The following MROH2B variants were observed in gnomAD, a reference collection of about 807,000 sequenced individuals.
The protein encoded by MROH2B is maestro heat-like repeat-containing protein family member 2B.
In MROH2B, 177 loss-of-function variants were observed where a neutral mutation model predicts 208.6. That is an observed-to-expected ratio of 0.85 (90% CI 0.75 to 0.96). The LOEUF (loss-of-function observed/expected upper bound fraction) is 0.96. Among genes scored for constraint, MROH2B ranks in the 40% least tolerant of loss-of-function variants. The pLI is 0.00. For synonymous variants in MROH2B, 728 were observed against 659.0 expected, an observed-to-expected ratio of 1.10 and a Z score of -1.60; for missense variants, 2,002 against 1,878.7, an observed-to-expected ratio of 1.07 and a Z score of -1.21.
At chr5:41,013,239 T>C (rs1347942657) in intron 29 of MROH2B, among the ~76,000 whole-genome samples, 2 of 152,234 alleles carry the variant, frequency 1.3e-5, no homozygotes, top group Non-Finnish European at 2.9e-5. Context: ...TGAGCCTTGT[T>C]TCTTGCTCTT....
intron 37 of MROH2B, among the ~76,000 whole-genome samples, chr5:41,002,267 G>A (rs570051751): frequency 6.6e-6 from 1 of 152,252 alleles, no homozygotes; most frequent in African/African-American, 2.4e-5. Flanking sequence ...AGTGGCAAAA[G>A]GATTTTGGGT....
At chr5:41,048,119 C>T (rs1643913840) in intron 16 of MROH2B, 1 of 537,156 alleles carries the variant, frequency 1.9e-6, no homozygotes, top group African/African-American at 2.0e-5. Flanking sequence ...AAGAATGTTA[C>T]CTACTAGGTC....
intron 24 of MROH2B, among the ~76,000 whole-genome samples, chr5:41,024,639 TAAC>T (rs1280011539): frequency 6.6e-6 from 1 of 152,076 alleles, no homozygotes; most frequent in Non-Finnish European, 1.5e-5. Context: ...GACAGAAAGT[TAAC>T]AAGGATATCC....
At chr5:41,008,887 G>T in intron 32 of MROH2B, 94 bp from the exon 33 acceptor site, 1 of 1,249,874 alleles carries the variant, frequency 8.0e-7, no homozygotes, top group Non-Finnish European at 1.1e-6. Context: ...TTCTCCACCA[G>T]TAAAAACACA....
chr5:41,039,583 G>A (rs754217308), intron 19 of MROH2B, 28 bp from the exon 20 acceptor site: 22 of 1,440,238 alleles, frequency 1.5e-5, no homozygotes, highest in Non-Finnish European at 2.1e-5. Flanking sequence ...ATGACATTTT[G>A]AGTTTAACCA....
At chr5:41,038,659 G>T (rs920585876) in intron 21 of MROH2B, 77 bp downstream of exon 21, 3 of 1,410,490 alleles carry the variant, frequency 2.1e-6, no homozygotes, top group African/African-American at 1.4e-5. Flanking sequence ...AAGGAAAAAA[G>T]CTTCCCAGGG....
chr5:41,004,691 A>AT, intron 36 of MROH2B, 83 bp downstream of exon 36: 1 of 1,546,776 alleles, frequency 6.5e-7, no homozygotes, highest in Non-Finnish European at 8.7e-7. Flanking sequence ...ATTAATTTGT[A>AT]TGCAACAACT....
At chr5:41,039,898 C>G (rs73090377) in intron 19 of MROH2B, among the ~76,000 whole-genome samples, 3,397 of 152,112 alleles carry the variant, frequency 0.022, 142 homozygotes, top group African/African-American at 0.077. Flanking sequence ...GTCTCACGGA[C>G]AAGGTGACAA....
chr5:41,054,983 C>A, intron 10 of MROH2B, 143 bp from the exon 11 acceptor site: 1 of 499,546 alleles, frequency 2.0e-6, no homozygotes. Flanking sequence ...CAATGCCCTC[C>A]CATCCTCTTT....
At chr5:41,013,166 G>A (rs895365195) in intron 29 of MROH2B, among the ~76,000 whole-genome samples, 2 of 152,172 alleles carry the variant, frequency 1.3e-5, no homozygotes, top group Non-Finnish European at 1.5e-5. Flanking sequence ...CTATCAATAT[G>A]TATTAAGTAC....
At chr5:41,001,411 A>AT (rs1223949091) in intron 37 of MROH2B, among the ~76,000 whole-genome samples, 1 of 151,986 alleles carries the variant, frequency 6.6e-6, no homozygotes, top group East Asian at 1.9e-4. Context: ...GCAGGCGATG[A>AT]TTTTAGGAAG....
chr5:41,063,572 G>A (rs1743706025), intron 5 of MROH2B, among the ~76,000 whole-genome samples: 1 of 152,172 alleles, frequency 6.6e-6, no homozygotes, highest in African/African-American at 2.4e-5. Flanking sequence ...AGAACAAGAA[G>A]AAATGGGAAA....
Position 41,038,730 on chromosome 5 carries a change from C to T in MROH2B, c.2214+6G>A, listed in dbSNP as rs1174859434. Reference sequence around the variant, plus strand: ...GAAATGGAGGCAGCCATGCAACGGGCATTACCTGAGAGCACTGGCCATGAA... The same window carrying T: ...GAAATGGAGGCAGCCATGCAACGGGTATTACCTGAGAGCACTGGCCATGAA... On this transcript the variant is annotated splice_donor_region_variant and intron_variant, in intron 21 of 41. Transcript: ENST00000399564. 2 of 1,603,312 alleles carry T rather than the reference C, an allele frequency of 1.2e-6. No homozygotes were observed. Among genetic ancestry groups the T allele is most frequent in the Non-Finnish European group, 1.7e-6 (2 of 1,174,128 alleles).
chr5:41,065,383 C>A lies in MROH2B; in HGVS notation c.309G>T (p.Glu103Asp), dbSNP rs369722208. The part of the protein sequence containing the change: ...YEVQSNFRIL[E>D]LPDEFVVLAL... ...CAAGCACAACGAATTCATCTGGTAG[C>A]TCTAAGATCCTGAAGTTACTTTGTA... Residue 103 changes from glutamate (E) to aspartate (D), a missense_variant, in exon 4 of 42, where the codon GAG becomes GAT. Glu to Asp is a conservative substitution (Grantham distance 45). Coordinates refer to ENST00000399564, the MANE Select transcript of MROH2B (RefSeq NM_173489.5). 1.9e-6 allele frequency: 3 copies of A among 1,613,314 alleles called. No homozygotes were observed. In the African/African-American group the frequency reaches 4.0e-5, roughly 22 times the overall value.
At chr5:41,000,657 G>A in intron 38 of MROH2B, 21 bp downstream of exon 38, 8 of 1,598,870 alleles carry the variant, frequency 5.0e-6, no homozygotes, top group Non-Finnish European at 6.8e-6. Context: ...GGAGGTGCAG[G>A]TGTCTGTGGA....
rs535582341 is a variant in MROH2B, at chr5:41,011,453, A to G, written c.3135+1130T>C. ...TATCAATTTTGGCTGTCTCATGTCT[A>G]TCCCAGTGCCTACCACATAGTAGGT... On this transcript the variant is annotated intron_variant, in intron 30 of 41. Coordinates refer to ENST00000399564, the MANE Select transcript of MROH2B (RefSeq NM_173489.5). 1.5e-4 allele frequency among the ~76,000 whole-genome samples: 23 copies of G among 152,282 alleles called. No individual in the cohort carries two copies. The South Asian group carries it at 3.9e-3, about 26-fold the overall frequency.
rs563726195 is a variant in MROH2B, at chr5:41,012,447, G to T, written c.3135+136C>A. On this transcript the variant is annotated intron_variant, in intron 30 of 41. Transcript: ENST00000399564. Reference sequence around the variant, plus strand: ...CCTTGTTGTTAAACACACAACGTAGGTCTCTAATGAGGCCTCTTGAGGTTG... The same window carrying T: ...CCTTGTTGTTAAACACACAACGTAGTTCTCTAATGAGGCCTCTTGAGGTTG... 4.8e-5 allele frequency: 38 copies of T among 789,446 alleles called. No individual in the cohort carries two copies. The East Asian group carries it at 1.1e-3, about 22-fold the overall frequency. 48.9% of individuals were successfully genotyped at this position (789,446 alleles called of 1,614,324 possible).
chr5:41,048,246 G>T, intron 16 of MROH2B, 78 bp downstream of exon 16: 2 of 1,479,394 alleles, frequency 1.4e-6, no homozygotes, highest in Non-Finnish European at 1.8e-6. Context: ...AGCATTAATG[G>T]CTTTACACAG....
intron 18 of MROH2B, among the ~76,000 whole-genome samples, chr5:41,042,827 ACTC>A (rs1163986721): frequency 6.6e-6 from 1 of 152,052 alleles, no homozygotes; most frequent in Non-Finnish European, 1.5e-5. Flanking sequence ...CTGATCTCAG[ACTC>A]CTGGCCTCAA....
Sources: gnomAD v4.1 joint callset for allele counts (sites outside exome capture counted in the v4.1 genomes callset) on GRCh38, gnomAD v4.1.1 for gene constraint, MANE v1.5 for transcripts, NCBI Gene and HGNC (gene_info 2026-07-23, HGNC 2026-07-21) for gene names.